Variants in SNX29 observed in about 807,000 individuals in gnomAD.
SNX29 encodes the protein sorting nexin-29.
A neutral mutation model predicts 102.1 loss-of-function variants in SNX29; 78 were observed. The ratio of observed to expected loss-of-function variants is 0.76; its 90% CI spans 0.64 to 0.92. The LOEUF is 0.92. Ranked by LOEUF, SNX29 falls within the 40% of genes least tolerant of loss-of-function variation. The pLI, the probability that SNX29 is intolerant of heterozygous loss-of-function variation, is 0.00. For missense variants in SNX29, 1,280 were observed against 1,061.7 expected, an observed-to-expected ratio of 1.21 and a Z score of -2.86; for synonymous variants, 580 against 414.5, an observed-to-expected ratio of 1.40 and a Z score of -4.85.
chr16:12,058,892 A>C (rs1216123272), intron 8 of SNX29, among the ~76,000 whole-genome samples: 4 of 148,978 alleles, frequency 2.7e-5, no homozygotes, highest in Non-Finnish European at 5.9e-5. Flanking sequence ...TCCCAGGCTC[A>C]AGGGATCCTC....
At chr16:12,148,367 G>A (rs2055153962) in intron 13 of SNX29, among the ~76,000 whole-genome samples, 1 of 152,226 alleles carries the variant, frequency 6.6e-6, no homozygotes, top group Admixed American at 6.5e-5. Context: ...TGTGAGCTAA[G>A]GAGCTGTTAG....
chr16:12,495,602 G>A (rs1015971406), intron 19 of SNX29, among the ~76,000 whole-genome samples: 4 of 152,236 alleles, frequency 2.6e-5, no homozygotes, highest in Admixed American at 6.5e-5. Context: ...AACATGGTAA[G>A]TGTGTTTGTG....
At chr16:12,449,042 A>G (rs571080617) in intron 18 of SNX29, among the ~76,000 whole-genome samples, 50 of 152,164 alleles carry the variant, frequency 3.3e-4, no homozygotes, top group African/African-American at 1.1e-3. Flanking sequence ...GTACTACGCA[A>G]CCTAATTTCT....
intron 20 of SNX29, among the ~76,000 whole-genome samples, chr16:12,553,832 C>G (rs2078149005): frequency 6.6e-6 from 1 of 151,788 alleles, no homozygotes; most frequent in Non-Finnish European, 1.5e-5. Flanking sequence ...GTGATCCACC[C>G]ACCTAGGTCT....
At chr16:12,403,719 A>G (rs1421154750) in intron 18 of SNX29, among the ~76,000 whole-genome samples, 190 bp downstream of exon 18, 1 of 152,160 alleles carries the variant, frequency 6.6e-6, no homozygotes, top group Non-Finnish European at 1.5e-5. Context: ...GCAGGGGGAT[A>G]CGGTGGGCCT....
intron 14 of SNX29, among the ~76,000 whole-genome samples, chr16:12,218,636 G>C (rs2077388677): frequency 1.3e-5 from 2 of 152,218 alleles, no homozygotes; most frequent in African/African-American, 4.8e-5. Context: ...GAACAGTCAG[G>C]AATTTTCCTC....
intron 14 of SNX29, among the ~76,000 whole-genome samples, chr16:12,229,805 T>G (rs750073692): frequency 6.6e-6 from 1 of 152,226 alleles, no homozygotes; most frequent in Non-Finnish European, 1.5e-5. Flanking sequence ...CGACCTGTAC[T>G]GGTCAACTGT....
chr16:12,564,599 G>A (rs12930904), intron 20 of SNX29, among the ~76,000 whole-genome samples: 39,787 of 152,050 alleles, frequency 0.26, 5,803 homozygotes, highest in East Asian at 0.44. Context: ...TCTTGTTTGT[G>A]AAACTGTAAC....
intron 16 of SNX29, among the ~76,000 whole-genome samples, chr16:12,380,514 C>CAT: frequency 7.6e-6 from 1 of 132,094 alleles, no homozygotes; most frequent in African/African-American, 2.8e-5. Context: ...ACCTACCCAC[C>CAT]CCTCATCCAT....
In SNX29 at chr16:12,132,359, C is replaced by G. The variant is rs146995578; in HGVS notation, c.1595+2601C>G. Among the ~76,000 whole-genome samples, 1,296 of 152,312 alleles carry G rather than the reference C, an allele frequency of 8.5e-3. 17 individuals are homozygous for G. Among genetic ancestry groups the G allele is most frequent in the African/African-American group, 0.03 (1,247 of 41,578 alleles). On this transcript the variant is annotated intron_variant, in intron 13 of 20. Coordinates refer to ENST00000566228, the MANE Select transcript of SNX29 (RefSeq NM_032167.5). Reference sequence around the variant, plus strand: ...AGGTGATCCTCCTGCCTCAGCCTTCCAAAGTGCTTGGATTACAGGCGTGAG... The same window carrying G: ...AGGTGATCCTCCTGCCTCAGCCTTCGAAAGTGCTTGGATTACAGGCGTGAG...
intron 19 of SNX29, among the ~76,000 whole-genome samples, chr16:12,502,529 C>G (rs1166475720): frequency 6.6e-6 from 1 of 152,100 alleles, no homozygotes. Flanking sequence ...ATCAGCTTCC[C>G]CACGGTGGCC....
At chr16:12,253,766 C>CT (rs1377112644) in intron 14 of SNX29, among the ~76,000 whole-genome samples, 16 of 152,116 alleles carry the variant, frequency 1.1e-4, no homozygotes, top group Admixed American at 4.6e-4. Flanking sequence ...CACTGGAGGA[C>CT]TGTGAGCAAA....
At chr16:12,408,180 A>C (rs2151533071) in intron 18 of SNX29, among the ~76,000 whole-genome samples, 1 of 144,386 alleles carries the variant, frequency 6.9e-6, no homozygotes, top group Admixed American at 6.8e-5. Context: ...AAACAAACAA[A>C]AAAAAAACTA....
chr16:12,098,553 G>A lies in SNX29; in HGVS notation c.1402+19638G>A, dbSNP rs2052867826. On this transcript the variant is annotated intron_variant, in intron 11 of 20. Coordinates refer to ENST00000566228, the MANE Select transcript of SNX29 (RefSeq NM_032167.5). This position sits in a 1 kb window ranked among gnomAD's most constrained non-coding sequence, Gnocchi z 6.0. ...TGTACACACCGTCGGTTTCATGTGCGCAGACGATTCAGTTTCATGCGCGCC... is the reference window on the plus strand; with the variant it reads ...TGTACACACCGTCGGTTTCATGTGCACAGACGATTCAGTTTCATGCGCGCC... 6.6e-6 allele frequency among the ~76,000 whole-genome samples: 1 copy of A among 152,158 alleles called. No homozygotes were observed. Among genetic ancestry groups the A allele is most frequent in the Admixed American group, 6.5e-5 (1 of 15,282 alleles).
chr16:12,407,711 A>G (rs546605178), intron 18 of SNX29, among the ~76,000 whole-genome samples: 58 of 152,328 alleles, frequency 3.8e-4, no homozygotes, highest in African/African-American at 1.3e-3. Flanking sequence ...AGGCACAGAG[A>G]AGCATCTCAT....
In SNX29 at chr16:12,543,423, A is replaced by G. The variant is rs116482694; in HGVS notation, c.2318+18582A>G. 3.3e-3 allele frequency among the ~76,000 whole-genome samples: 509 copies of G among 152,302 alleles called. 1 individual carries two copies. Among genetic ancestry groups the G allele is most frequent in the African/African-American group, 0.011 (459 of 41,560 alleles). On this transcript the variant is annotated intron_variant, in intron 20 of 20. Coordinates refer to ENST00000566228, the MANE Select transcript of SNX29 (RefSeq NM_032167.5). ...GGGCCCGATTCACTGAAAGGAGAGA[A>G]AGTGGGTGGGCAAACATATGTTCAT...
intron 14 of SNX29, among the ~76,000 whole-genome samples, chr16:12,253,947 C>T (rs1165969782): frequency 1.3e-5 from 2 of 152,044 alleles, no homozygotes; most frequent in Non-Finnish European, 2.9e-5. Flanking sequence ...GTGGCCTGCC[C>T]CTGGCCTTAT....
intron 15 of SNX29, among the ~76,000 whole-genome samples, chr16:12,293,157 G>A (rs1035314084): frequency 1.3e-5 from 2 of 152,202 alleles, no homozygotes; most frequent in Non-Finnish European, 2.9e-5. Flanking sequence ...GGCCAGGCCA[G>A]TCTTGAACTC....
At chr16:12,080,136 T>C (rs533462186) in intron 11 of SNX29, among the ~76,000 whole-genome samples, 117 of 152,282 alleles carry the variant, frequency 7.7e-4, no homozygotes, top group Admixed American at 1.5e-3. Flanking sequence ...CACTAGAAGG[T>C]GCTTACAGTA....
Sources: allele counts gnomAD v4.1 joint callset (sites outside exome capture counted in the v4.1 genomes callset), GRCh38; gene constraint gnomAD v4.1.1; non-coding constraint Gnocchi (gnomAD v3.1); transcripts MANE v1.5; gene names NCBI Gene and HGNC (gene_info 2026-07-23, HGNC 2026-07-21).